The following EGFLAM variants were observed in gnomAD, a reference collection of about 807,000 sequenced individuals.
EGFLAM encodes the protein pikachurin.
Under a neutral mutation model 113.1 loss-of-function variants are expected in EGFLAM, and 79 were observed. The ratio of observed to expected loss-of-function variants is 0.70; its 90% confidence interval spans 0.58 to 0.84. The LOEUF (loss-of-function observed/expected upper bound fraction) is 0.84, where lower values mean the gene tolerates loss of function less well. Ranked by LOEUF, EGFLAM falls within the 40% of genes least tolerant of loss-of-function variation. The pLI is 0.00. For missense variants in EGFLAM, 1,265 were observed against 1,291.6 expected (o/e 0.98, Z 0.32); for synonymous variants, 504 against 487.6 (o/e 1.03, Z -0.44).
intron 1 of EGFLAM, among the ~76,000 whole-genome samples, chr5:38,325,515 C>A (rs565908763): frequency 4.6e-5 from 7 of 152,346 alleles, no homozygotes; most frequent in African/African-American, 1.7e-4. Context: ...AAGATGATTT[C>A]TAGGCCAGGA....
intron 1 of EGFLAM, among the ~76,000 whole-genome samples, chr5:38,322,295 G>T (rs1438273270): frequency 4.6e-5 from 7 of 152,328 alleles, no homozygotes; most frequent in African/African-American, 1.4e-4. Flanking sequence ...CAGGAAAAGG[G>T]CTCGGGACTC....
At chr5:38,457,085 T>C (rs536950481) in intron 19 of EGFLAM, among the ~76,000 whole-genome samples, 1 of 152,186 alleles carries the variant, frequency 6.6e-6, no homozygotes, top group South Asian at 2.1e-4. Flanking sequence ...AAATAGAAAA[T>C]AGGAAGCCAC....
chr5:38,425,198 A>G, intron 13 of EGFLAM, 106 bp downstream of exon 13: 1 of 1,478,638 alleles, frequency 6.8e-7, no homozygotes, highest in Non-Finnish European at 9.0e-7. Context: ...TTTGTTTTTG[A>G]GACAAAGGCT....
At chr5:38,275,435 A>G (rs1018872684) in intron 1 of EGFLAM, among the ~76,000 whole-genome samples, 3 of 152,220 alleles carry the variant, frequency 2.0e-5, no homozygotes, top group African/African-American at 7.2e-5. Context: ...ATATCAGATA[A>G]AATAGACTTT....
chr5:38,292,609 G>T (rs972934), intron 1 of EGFLAM, among the ~76,000 whole-genome samples: 13,958 of 152,004 alleles, frequency 0.092, 849 homozygotes, highest in Admixed American at 0.18. Context: ...AACTATTCCA[G>T]GTATACTAAA....
At chr5:38,403,933 G>A (rs770982251) in intron 6 of EGFLAM, 5 of 1,613,398 alleles carry the variant, frequency 3.1e-6, no homozygotes, top group Middle Eastern at 1.7e-4. Flanking sequence ...CAGTTGACAG[G>A]TGGACTACTT....
At chr5:38,427,368 T>G in intron 14 of EGFLAM, 116 bp downstream of exon 14, 2 of 1,500,788 alleles carry the variant, frequency 1.3e-6, no homozygotes, top group Non-Finnish European at 1.8e-6. Context: ...CTCTACATGC[T>G]TATCTTCTGA....
chr5:38,416,228 T>A (rs1370838460), intron 11 of EGFLAM, among the ~76,000 whole-genome samples: 1 of 152,162 alleles, frequency 6.6e-6, no homozygotes, highest in African/African-American at 2.4e-5. Context: ...GAAGTGGGAT[T>A]CCCCAGCAAC....
At chr5:38,282,688 C>A (rs1758048330) in intron 1 of EGFLAM, 1 of 152,224 alleles carries the variant, frequency 6.6e-6, no homozygotes, top group Admixed American at 6.5e-5. Context: ...AAACTTAAGA[C>A]TGAATGCCAT....
chr5:38,370,676 A>T (rs1740185643), intron 6 of EGFLAM, among the ~76,000 whole-genome samples: 1 of 152,138 alleles, frequency 6.6e-6, no homozygotes, highest in Non-Finnish European at 1.5e-5. Flanking sequence ...CAGAGGATTT[A>T]TTTTTGCATC....
chr5:38,411,184 T>C (rs978491798), intron 10 of EGFLAM, among the ~76,000 whole-genome samples: 2 of 152,150 alleles, frequency 1.3e-5, no homozygotes, highest in African/African-American at 2.4e-5. Flanking sequence ...AATCCCAGGA[T>C]TTTGGGAGGC....
At chr5:38,341,380 T>C (rs943447212) in intron 3 of EGFLAM, among the ~76,000 whole-genome samples, 1 of 152,174 alleles carries the variant, frequency 6.6e-6, no homozygotes, top group Non-Finnish European at 1.5e-5. Context: ...GGGAAGCCCC[T>C]TATAAAATCA....
intron 3 of EGFLAM, among the ~76,000 whole-genome samples, chr5:38,348,906 C>G (rs1050415975): frequency 8.5e-5 from 13 of 152,124 alleles, no homozygotes; most frequent in Non-Finnish European, 1.8e-4. Flanking sequence ...TTAGAATCAC[C>G]TGGAGGGCTT....
At chr5:38,308,286 G>A (rs1197420479) in intron 1 of EGFLAM, among the ~76,000 whole-genome samples, 3 of 152,350 alleles carry the variant, frequency 2.0e-5, no homozygotes, top group African/African-American at 7.2e-5. Context: ...TCACAGGGCT[G>A]TGGGGCCCTG....
At chr5:38,431,711 T>C (rs1376070005) in intron 15 of EGFLAM, among the ~76,000 whole-genome samples, 1 of 152,192 alleles carries the variant, frequency 6.6e-6, no homozygotes, top group Admixed American at 6.5e-5. Flanking sequence ...CTGGCTCAAT[T>C]ACTTACCAGT....
intron 6 of EGFLAM, among the ~76,000 whole-genome samples, chr5:38,397,401 G>A (rs977233353): frequency 2.6e-5 from 4 of 152,170 alleles, no homozygotes; most frequent in East Asian, 1.9e-4. Context: ...TCACCCAGTC[G>A]CTCTTGTGAC....
intron 6 of EGFLAM, among the ~76,000 whole-genome samples, chr5:38,394,700 C>A (rs796399262): frequency 1.4e-5 from 2 of 139,648 alleles, no homozygotes; most frequent in African/African-American, 2.7e-5. Flanking sequence ...TGAGCCACCG[C>A]GCCGGGCCCA....
chr5:38,307,699 A>G (rs1318513569), intron 1 of EGFLAM, among the ~76,000 whole-genome samples: 1 of 152,146 alleles, frequency 6.6e-6, no homozygotes, highest in Non-Finnish European at 1.5e-5. Flanking sequence ...TGTTTTTCCT[A>G]TTACTCTTTG....
rs75542892 is a variant in EGFLAM at position 38,424,846 on chromosome 5, C to G, written c.1685-121C>G. ...TTTGCAGTTGTGCAGAGCTGCAAAT[C>G]AACAGGAGTAAGAACTGAAATGTAT... On this transcript the variant is annotated intron_variant, in intron 12 of 21. Transcript: ENST00000322350. The G allele has an allele frequency of 9.3e-3, 12,533 of 1,348,732 alleles. 849 individuals are homozygous for G. The African/African-American group carries it at 0.16, about 17-fold the overall frequency. 83.5% of individuals were successfully genotyped at this position (1,348,732 alleles called of 1,614,324 possible).
Sources: allele counts gnomAD v4.1 joint callset (sites outside exome capture counted in the v4.1 genomes callset), GRCh38; gene constraint gnomAD v4.1.1; transcripts MANE v1.5; gene names NCBI Gene and HGNC (gene_info 2026-07-23, HGNC 2026-07-21).